The following AGBL1 variants were observed in gnomAD, a reference collection of about 807,000 sequenced individuals.
The protein encoded by AGBL1 is AGBL carboxypeptidase 1, also known as cytosolic carboxypeptidase 4.
In AGBL1, 130 loss-of-function variants were observed where a neutral mutation model predicts 118.9. The observed-to-expected ratio is 1.09, with a 90% CI of 0.95 to 1.26. The LOEUF (loss-of-function observed/expected upper bound fraction) is 1.26, where lower values mean the gene tolerates loss of function less well. AGBL1 is among the 50% of genes most tolerant of loss of function. The probability of loss-of-function intolerance (pLI) is 0.00; values close to 1 mark genes in which losing one functional copy is unlikely to be tolerated. For missense variants in AGBL1, 1,584 were observed against 1,298.1 expected (o/e 1.22, Z -3.38); for synonymous variants, 555 against 478.9 (o/e 1.16, Z -2.08).
chr15:86,902,425 TAATTC>T (rs1454908635), intron 22 of AGBL1, among the ~76,000 whole-genome samples: 4 of 152,182 alleles, frequency 2.6e-5, no homozygotes, highest in African/African-American at 4.8e-5. Context: ...TTATAAATTT[TAATTC>T]AGCTGTCAAA....
At chr15:86,945,953 T>G (rs1450737811) in intron 23 of AGBL1, among the ~76,000 whole-genome samples, 1 of 152,196 alleles carries the variant, frequency 6.6e-6, no homozygotes, top group Non-Finnish European at 1.5e-5. Flanking sequence ...TTCATGTGCG[T>G]TATCTGATTT....
intron 17 of AGBL1, among the ~76,000 whole-genome samples, chr15:86,363,645 G>A (rs1266902493): frequency 6.6e-6 from 1 of 152,020 alleles, no homozygotes; most frequent in Non-Finnish European, 1.5e-5. Flanking sequence ...TGTATCTCAG[G>A]AATGTTTATG....
At chr15:86,700,992 A>G (rs749369042) in intron 22 of AGBL1, among the ~76,000 whole-genome samples, 2 of 152,122 alleles carry the variant, frequency 1.3e-5, no homozygotes, top group Non-Finnish European at 2.9e-5. Flanking sequence ...TGCTGAGGGA[A>G]TAAAGTGCTG....
chr15:86,262,138 C>T (rs2142027333), intron 9 of AGBL1, among the ~76,000 whole-genome samples: 1 of 123,938 alleles, frequency 8.1e-6, no homozygotes, highest in South Asian at 2.9e-4. Flanking sequence ...TATGAGTCCT[C>T]CTGAGATCTC....
intron 21 of AGBL1, among the ~76,000 whole-genome samples, chr15:86,569,922 G>A (rs1435159596): frequency 1.3e-5 from 2 of 152,174 alleles, no homozygotes; most frequent in African/African-American, 4.8e-5. Context: ...AAATGACAAA[G>A]AAGAAGAAAA....
chr15:86,895,396 A>G (rs1258587899), intron 22 of AGBL1, among the ~76,000 whole-genome samples: 1 of 149,060 alleles, frequency 6.7e-6, no homozygotes, highest in East Asian at 2.2e-4. Context: ...TGACATGTTT[A>G]GTTTTTTTTT....
intron 22 of AGBL1, among the ~76,000 whole-genome samples, chr15:86,858,118 C>T (rs778263885): frequency 9.9e-5 from 15 of 152,156 alleles, no homozygotes; most frequent in Admixed American, 6.6e-4. Context: ...TAAGGCCATG[C>T]TGGGGATACA....
intron 21 of AGBL1, among the ~76,000 whole-genome samples, chr15:86,665,290 G>A (rs1393192804): frequency 1.3e-5 from 2 of 151,860 alleles, no homozygotes; most frequent in Non-Finnish European, 2.9e-5. Flanking sequence ...TATTGTTAAC[G>A]CCAAGAGTTT....
At chr15:86,923,538 T>C (rs1157334705) in intron 23 of AGBL1, among the ~76,000 whole-genome samples, 4 of 152,358 alleles carry the variant, frequency 2.6e-5, no homozygotes, top group Non-Finnish European at 2.9e-5. Context: ...TGTGCTTCTA[T>C]CCATGAACGC....
At chr15:86,448,597 A>G (rs16977264) in intron 18 of AGBL1, among the ~76,000 whole-genome samples, 1 of 152,228 alleles carries the variant, frequency 6.6e-6, no homozygotes, top group Non-Finnish European at 1.5e-5. Flanking sequence ...AGTTGTGTCT[A>G]GAGTGTCTTA....
intron 18 of AGBL1, among the ~76,000 whole-genome samples, chr15:86,453,670 G>T (rs1376354420): frequency 6.6e-6 from 1 of 152,114 alleles, no homozygotes; most frequent in Non-Finnish European, 1.5e-5. Context: ...ATCTTTTCCA[G>T]TGCCTGACCC....
intron 21 of AGBL1, among the ~76,000 whole-genome samples, chr15:86,590,975 C>T (rs916866805): frequency 2.0e-5 from 3 of 152,204 alleles, no homozygotes; most frequent in Non-Finnish European, 2.9e-5. Flanking sequence ...CAACTTTTCT[C>T]AGTTGTCCCA....
chr15:86,952,281 G>A (rs1184890770), intron 23 of AGBL1, among the ~76,000 whole-genome samples: 1 of 151,662 alleles, frequency 6.6e-6, no homozygotes, highest in Admixed American at 6.6e-5. Context: ...GTCAGTGTTA[G>A]TAGCATACAA....
At chr15:86,925,792 G>A (rs1248556280) in intron 23 of AGBL1, among the ~76,000 whole-genome samples, 1 of 146,898 alleles carries the variant, frequency 6.8e-6, no homozygotes, top group African/African-American at 2.5e-5. Flanking sequence ...GTGCAGTGGC[G>A]CCATCTCGGC....
chr15:86,664,258 C>T (rs1892675771), intron 21 of AGBL1, among the ~76,000 whole-genome samples: 1 of 152,160 alleles, frequency 6.6e-6, no homozygotes, highest in Non-Finnish European at 1.5e-5. Context: ...TTGATCCAGT[C>T]CTCAGCATGA....
intron 1 of AGBL1, among the ~76,000 whole-genome samples, chr15:86,122,339 A>T (rs2141582848): frequency 6.6e-6 from 1 of 152,342 alleles, no homozygotes; most frequent in Admixed American, 6.5e-5. Context: ...TCTCCTTCAA[A>T]CTTCAAGGAT....
chr15:86,954,551 A>T (rs1329569722), intron 23 of AGBL1, among the ~76,000 whole-genome samples: 1 of 152,184 alleles, frequency 6.6e-6, no homozygotes, highest in Non-Finnish European at 1.5e-5. Flanking sequence ...ATACAGGAAC[A>T]AAAGACCAAA....
At chr15:86,638,024 C>T (rs1389815309) in intron 21 of AGBL1, among the ~76,000 whole-genome samples, 1 of 152,156 alleles carries the variant, frequency 6.6e-6, no homozygotes, top group African/African-American at 2.4e-5. Flanking sequence ...CTGATAGGAC[C>T]TCAGAGGAAG....
chr15:86,976,550 G>T lies in AGBL1; in HGVS notation c.3222-11437G>T, dbSNP rs1236624030. On this transcript the variant is annotated intron_variant, in intron 23 of 24. Coordinates refer to the AGBL1 transcript ENST00000441037. The stretch of plus-strand genomic sequence containing the variant: ...TAACTTTTGCATGCCTTTTTCTTAG[G>T]ATATATTTCTAAATGTGGCATTACT... Among the ~76,000 whole-genome samples the T allele has an allele frequency of 2.0e-5, 3 of 151,926 alleles. No homozygotes were observed. The East Asian group carries it at 5.8e-4, about 29-fold the overall frequency.
Sources: allele counts gnomAD v4.1 joint callset (sites outside exome capture counted in the v4.1 genomes callset), GRCh38; gene constraint gnomAD v4.1.1; transcripts MANE v1.5; gene names NCBI Gene and HGNC (gene_info 2026-07-23, HGNC 2026-07-21).